Variants in STK32B observed in about 807,000 individuals in gnomAD.
The protein encoded by STK32B is serine/threonine kinase 32B.
STK32B carries 43 observed loss-of-function variants against 52.6 expected under a neutral mutation model. The observed-to-expected ratio is 0.82, with a 90% CI of 0.64 to 1.05. STK32B has a LOEUF of 1.05. Among genes scored for constraint, STK32B ranks in the 50% least tolerant of loss-of-function variants. STK32B has a pLI of 0.00. For synonymous variants in STK32B, 238 were observed against 204.3 expected, an observed-to-expected ratio of 1.17 and a Z score of -1.41; for missense variants, 621 against 534.6, an observed-to-expected ratio of 1.16 and a Z score of -1.59.
intron 3 of STK32B, among the ~76,000 whole-genome samples, chr4:5,215,557 A>G (rs938880755): frequency 5.3e-5 from 8 of 152,114 alleles, no homozygotes; most frequent in African/African-American, 1.9e-4. Context: ...TGTTCTGTCA[A>G]ATGGCTTCCT....
chr4:5,075,061 A>C (rs530888513), intron 1 of STK32B, among the ~76,000 whole-genome samples: 1 of 152,262 alleles, frequency 6.6e-6, no homozygotes, highest in South Asian at 2.1e-4. Context: ...TGCCCATTTC[A>C]AGAGACCACC....
chr4:5,348,136 C>T (rs533088874), intron 4 of STK32B, among the ~76,000 whole-genome samples: 3 of 152,232 alleles, frequency 2.0e-5, no homozygotes, highest in Admixed American at 6.5e-5. Flanking sequence ...GAGAGGTTCC[C>T]TAATGCTGGA....
chr4:5,390,026 C>T (rs1432957269), intron 4 of STK32B, among the ~76,000 whole-genome samples: 3 of 152,214 alleles, frequency 2.0e-5, no homozygotes, highest in Admixed American at 6.5e-5. Context: ...CAGAGCTCCT[C>T]TGTGGGCTCC....
At chr4:5,044,703 T>C in the STK32B span, among the ~76,000 whole-genome samples, 3 of 152,080 alleles carry the variant, frequency 2.0e-5, no homozygotes, top group African/African-American at 7.2e-5. Context: ...GTCCAGGAGT[T>C]TGAGAGCAGC....
chr4:5,411,523 A>G (rs918334394), intron 5 of STK32B, among the ~76,000 whole-genome samples: 6 of 152,236 alleles, frequency 3.9e-5, no homozygotes, highest in Non-Finnish European at 7.3e-5. Flanking sequence ...CCATTGTATT[A>G]GGCATTATAA....
intron 5 of STK32B, among the ~76,000 whole-genome samples, chr4:5,401,878 G>A (rs1472674467): frequency 6.6e-6 from 1 of 152,218 alleles, no homozygotes; most frequent in East Asian, 1.9e-4. Context: ...GGCTGGGCTT[G>A]GCTGATCTTG....
At chr4:5,236,085 C>T (rs977889220) in intron 3 of STK32B, among the ~76,000 whole-genome samples, 3 of 152,158 alleles carry the variant, frequency 2.0e-5, no homozygotes, top group African/African-American at 7.2e-5. Flanking sequence ...CTCTTACTGG[C>T]ATGTCAATTA....
At chr4:5,111,998 T>G (rs1021684711) in intron 1 of STK32B, among the ~76,000 whole-genome samples, 1 of 152,144 alleles carries the variant, frequency 6.6e-6, no homozygotes, top group Non-Finnish European at 1.5e-5. Context: ...TAACATGTCT[T>G]AAAATCATCC....
intron 4 of STK32B, among the ~76,000 whole-genome samples, chr4:5,339,138 A>G (rs1183818526): frequency 6.6e-6 from 1 of 152,086 alleles, no homozygotes; most frequent in Non-Finnish European, 1.5e-5. Context: ...TTAGACTGGG[A>G]CTTACACTAA....
Position 5,380,917 on chromosome 4 carries a change from G to A in STK32B, c.435-17290G>A, listed in dbSNP as rs1012413230. Among the ~76,000 whole-genome samples the A allele has an allele frequency of 1.3e-5, 2 of 152,100 alleles. No homozygotes were observed. Among genetic ancestry groups the A allele is most frequent in the Admixed American group, 6.5e-5 (1 of 15,280 alleles). On this transcript the variant is annotated intron_variant, in intron 4 of 11. Coordinates refer to ENST00000282908, the MANE Select transcript of STK32B (RefSeq NM_018401.3). The surrounding 1 kb of genome is among the most constrained non-coding windows in gnomAD (Gnocchi z 4.3). Reference sequence around the variant, plus strand: ...GCTCATCATAGTTGTCAGTGCCAACGTCATCATTATCCTCTCCAGCAGCCC... The same window carrying A: ...GCTCATCATAGTTGTCAGTGCCAACATCATCATTATCCTCTCCAGCAGCCC...
At chr4:5,052,060 C>G in intron 1 of STK32B, 145 bp downstream of exon 1, 10 of 1,281,160 alleles carry the variant, frequency 7.8e-6, no homozygotes, top group Non-Finnish European at 1.1e-5. Context: ...AGTGTGTGCC[C>G]GACCCGTGCC....
chr4:5,093,796 T>G lies in STK32B; in HGVS notation c.52+41881T>G, dbSNP rs543709467. Among the ~76,000 whole-genome samples, 31 of 152,334 alleles carry G rather than the reference T, an allele frequency of 2.0e-4. 1 individual carries two copies. Among genetic ancestry groups the G allele is most frequent in the African/African-American group, 7.2e-4 (30 of 41,574 alleles). ...AATGTGTATCACCTGTGAATAGTGA[T>G]CTCTTGTAGTTCTGGAATATTTTTC... On this transcript the variant is annotated intron_variant, in intron 1 of 11. Coordinates refer to ENST00000282908, the MANE Select transcript of STK32B (RefSeq NM_018401.3).
At chr4:5,150,101 T>C (rs1717223467) in intron 2 of STK32B, among the ~76,000 whole-genome samples, 1 of 152,054 alleles carries the variant, frequency 6.6e-6, no homozygotes, top group African/African-American at 2.4e-5. Context: ...TTTGAATCAT[T>C]ATTGTCCAGT....
intron 1 of STK32B, among the ~76,000 whole-genome samples, chr4:5,107,183 A>T (rs779715454): frequency 9.9e-5 from 15 of 151,920 alleles, no homozygotes; most frequent in Admixed American, 2.6e-4. Context: ...CATGCAAGAG[A>T]CCTAGGTTGC....
At chr4:5,267,912 G>A (rs1044876777) in intron 3 of STK32B, among the ~76,000 whole-genome samples, 2 of 152,180 alleles carry the variant, frequency 1.3e-5, no homozygotes, top group Admixed American at 1.3e-4. Flanking sequence ...CCTCTCTTTG[G>A]GGGATAGAGA....
In STK32B at chr4:5,058,169, T is replaced by C. The variant is rs1158516549; in HGVS notation, c.52+6254T>C. ...TGCTCCATCTGTGAAGTCATCAATA[T>C]AAATATCTCATTCTTTCAGTGCGGG... On this transcript the variant is annotated intron_variant, in intron 1 of 11. Coordinates refer to ENST00000282908, the MANE Select transcript of STK32B (RefSeq NM_018401.3). This position sits in a 1 kb window ranked among gnomAD's most constrained non-coding sequence, Gnocchi z 4.8. Among the ~76,000 whole-genome samples the C allele has an allele frequency of 6.6e-6, 1 of 152,220 alleles. No individual in the cohort carries two copies. Among genetic ancestry groups the C allele is most frequent in the African/African-American group, 2.4e-5 (1 of 41,460 alleles).
At chr4:5,219,587 C>G (rs1723394355) in intron 3 of STK32B, among the ~76,000 whole-genome samples, 1 of 152,214 alleles carries the variant, frequency 6.6e-6, no homozygotes, top group Non-Finnish European at 1.5e-5. Context: ...GGACAATCGG[C>G]CCAACTTCCG....
intron 11 of STK32B, among the ~76,000 whole-genome samples, chr4:5,472,937 G>A (rs1717953082): frequency 6.6e-6 from 1 of 151,868 alleles, no homozygotes; most frequent in Admixed American, 6.6e-5. Context: ...AATAATCTCT[G>A]CCCTCTACCT....
intron 3 of STK32B, among the ~76,000 whole-genome samples, chr4:5,241,019 TATC>T (rs757045236): frequency 5.9e-5 from 9 of 152,322 alleles, no homozygotes; most frequent in Middle Eastern, 3.4e-3. Flanking sequence ...AGAATCTTCT[TATC>T]AGGTTAATTA....
Sources: gnomAD v4.1 joint callset for allele counts (sites outside exome capture counted in the v4.1 genomes callset) on GRCh38, gnomAD v4.1.1 for gene constraint, Gnocchi (gnomAD v3.1) non-coding constraint, MANE v1.5 for transcripts, NCBI Gene and HGNC (gene_info 2026-07-23, HGNC 2026-07-21) for gene names.